Variants in FMN2 observed in about 807,000 individuals in gnomAD.
FMN2 encodes the protein formin-2.
A neutral mutation model predicts 142.3 loss-of-function variants in FMN2; 51 were observed. The observed-to-expected ratio is 0.36, with a 90% confidence interval of 0.29 to 0.45. The LOEUF is 0.45. FMN2 is among the 20% of genes least tolerant of loss of function. FMN2 has a pLI of 1.00. For synonymous variants in FMN2, 882 were observed against 869.8 expected (o/e 1.01, Z -0.25); for missense variants, 1,936 against 2,122.8 (o/e 0.91, Z 1.73).
Position 240,092,049 on chromosome 1 carries a change from C to G in FMN2, c.-61C>G. ...GACTCCCTAGGCCCGGACCTGGGGC[C>G]GAGGAGGGCCGGGATGGCCTGAGTG... On this transcript the variant is annotated 5_prime_UTR_variant, in exon 1 of 18. Coordinates refer to ENST00000319653, the MANE Select transcript of FMN2 (RefSeq NM_020066.5). The G allele has an allele frequency of 6.7e-7, 1 of 1,496,648 alleles. No homozygotes were observed. The highest frequency in any genetic ancestry group is 8.9e-7 in the Non-Finnish European group (1 of 1,127,272). The allele number at this position is 1,496,648 out of a possible 1,614,324, so 92.7% of individuals were successfully genotyped here.
intron 1 of FMN2, among the ~76,000 whole-genome samples, chr1:240,103,094 G>A (rs1053253499): frequency 6.6e-6 from 1 of 152,148 alleles, no homozygotes; most frequent in African/African-American, 2.4e-5. Flanking sequence ...TCGAACTCCT[G>A]ACCTCAGGTG....
intron 1 of FMN2, among the ~76,000 whole-genome samples, chr1:240,101,635 A>G (rs988404124): frequency 2.0e-5 from 3 of 151,834 alleles, no homozygotes; most frequent in Non-Finnish European, 2.9e-5. Context: ...CCTGGTCCCA[A>G]GCAATCCTCC....
At chr1:240,420,446 T>G (rs56366153) in intron 15 of FMN2, among the ~76,000 whole-genome samples, 46 of 152,300 alleles carry the variant, frequency 3.0e-4, no homozygotes, top group African/African-American at 1.1e-3. Flanking sequence ...CTTCCATATA[T>G]GATCTCTTAC....
At chr1:240,187,914 T>C (rs1462358159) in intron 3 of FMN2, among the ~76,000 whole-genome samples, 3 of 152,180 alleles carry the variant, frequency 2.0e-5, no homozygotes, top group Non-Finnish European at 4.4e-5. Context: ...AGAAGGACTT[T>C]CTGGCACAAT....
chr1:240,417,818 A>C (rs910814021), intron 15 of FMN2, among the ~76,000 whole-genome samples: 2 of 152,192 alleles, frequency 1.3e-5, no homozygotes, highest in African/African-American at 4.8e-5. Context: ...TCACATCTAC[A>C]TCATTACTAA....
intron 2 of FMN2, among the ~76,000 whole-genome samples, chr1:240,173,214 G>A (rs1241590149): frequency 6.6e-6 from 1 of 152,126 alleles, no homozygotes; most frequent in Non-Finnish European, 1.5e-5. Context: ...GGGATTACAG[G>A]TGTGAGCCAC....
chr1:240,314,258 G>T (rs1036501460), intron 8 of FMN2, among the ~76,000 whole-genome samples: 1 of 152,120 alleles, frequency 6.6e-6, no homozygotes, highest in African/African-American at 2.4e-5. Context: ...AGATCATAAA[G>T]ACTGTGGTGT....
At position 240,178,054 on chromosome 1, in the gene FMN2, A is replaced by G. The variant is rs762749579; in HGVS notation, c.1916A>G (p.Glu639Gly). 2 of 1,601,208 alleles carry G rather than the reference A, an allele frequency of 1.2e-6. No individual in the cohort carries two copies. Among genetic ancestry groups the G allele is most frequent in the East Asian group, 2.2e-5 (1 of 44,678 alleles). Reference protein sequence around the residue: ...SKPPDEEHRLEDAETESQSAV... With the variant: ...SKPPDEEHRLGDAETESQSAV... ...CCTCCCGATGAGGAACACAGGCTCG[A>G]GGATGCTGAAACAGGTAACCCTTTC... The change falls in exon 3 of 18, where the codon GAG becomes GGG. Residue 639 changes from glutamate to glycine, a missense_variant. Glu to Gly is a moderately conservative substitution (Grantham distance 98). Coordinates refer to ENST00000319653, the MANE Select transcript of FMN2 (RefSeq NM_020066.5).
chr1:240,190,201 T>G (rs1665647382), intron 4 of FMN2, among the ~76,000 whole-genome samples: 1 of 152,222 alleles, frequency 6.6e-6, no homozygotes, highest in South Asian at 2.1e-4. Flanking sequence ...TTTTACAACT[T>G]GAAGACTCAA....
At chr1:240,434,987 A>G (rs928517303) in intron 15 of FMN2, among the ~76,000 whole-genome samples, 14 of 151,992 alleles carry the variant, frequency 9.2e-5, no homozygotes, top group African/African-American at 3.1e-4. Flanking sequence ...TTCTTTCACC[A>G]TGGCCACATC....
chr1:240,373,342 T>G lies in FMN2; in HGVS notation c.4858+17434T>G, dbSNP rs148718294. ...AGCTGTGGCAGTTTCTGAAAATAAG[T>G]CAAAAATGAAGTGTGCTGAATCAAT... On this transcript the variant is annotated intron_variant, in intron 14 of 17. Coordinates refer to ENST00000319653, the MANE Select transcript of FMN2 (RefSeq NM_020066.5). Among the ~76,000 whole-genome samples the G allele has an allele frequency of 3.2e-3, 487 of 152,208 alleles. 6 individuals are homozygous for G. Among genetic ancestry groups the G allele is most frequent in the African/African-American group, 0.011 (469 of 41,530 alleles).
chr1:240,180,145 C>CT (rs1232593351), intron 3 of FMN2: 1 of 1,272,498 alleles, frequency 7.9e-7, no homozygotes, highest in South Asian at 1.3e-5. Flanking sequence ...AACTTGTCTC[C>CT]TTTTTAAAAA....
chr1:240,314,025 A>G (rs1465742018), intron 8 of FMN2, among the ~76,000 whole-genome samples: 1 of 151,846 alleles, frequency 6.6e-6, no homozygotes, highest in Admixed American at 6.6e-5. Flanking sequence ...TAACGTGTAC[A>G]TTTTTTTTCA....
chr1:240,373,030 CA>C (rs1271690272), intron 14 of FMN2, among the ~76,000 whole-genome samples: 1 of 152,012 alleles, frequency 6.6e-6, no homozygotes, highest in Non-Finnish European at 1.5e-5. Context: ...ACTAAAAACA[CA>C]AAAAGTAGCG....
chr1:240,237,543 G>A (rs910051401), intron 6 of FMN2, among the ~76,000 whole-genome samples: 3 of 152,114 alleles, frequency 2.0e-5, no homozygotes, highest in African/African-American at 7.2e-5. Context: ...TACCGCAGCT[G>A]GTCTTTTTAT....
At chr1:240,254,054 T>A (rs1668367757) in intron 6 of FMN2, among the ~76,000 whole-genome samples, 1 of 152,030 alleles carries the variant, frequency 6.6e-6, no homozygotes, top group African/African-American at 2.4e-5. Flanking sequence ...GGCCCTGATA[T>A]TAGCAGGTTC....
chr1:240,225,181 C>T (rs1251243261), intron 6 of FMN2, among the ~76,000 whole-genome samples: 1 of 152,166 alleles, frequency 6.6e-6, no homozygotes, highest in Non-Finnish European at 1.5e-5. Context: ...TCATCTCTGG[C>T]AGTCTGAAAG....
chr1:240,465,523 A>C (rs1180124183), intron 16 of FMN2, among the ~76,000 whole-genome samples: 2 of 151,934 alleles, frequency 1.3e-5, no homozygotes, highest in Admixed American at 6.6e-5. Flanking sequence ...CTTTTTGTTT[A>C]CTGTTAGCAG....
rs1380435886 is a variant in FMN2, at chr1:240,361,190, A to AATTTAAATAAATATAT, written c.4858+5282_4858+5283insATTTAAATAAATATAT. The stretch of plus-strand genomic sequence containing the variant: ...ATATATATATATATATATATAAAAG[A>AATTTAAATAAATATAT]GTTTAAAGAAGGAAAAAAACACGAC... On this transcript the variant is annotated intron_variant, in intron 14 of 17. Coordinates refer to ENST00000319653, the MANE Select transcript of FMN2 (RefSeq NM_020066.5). 1.1e-4 allele frequency among the ~76,000 whole-genome samples: 13 copies of AATTTAAATAAATATAT among 120,720 alleles called. No homozygotes were observed. The East Asian group carries it at 2.8e-3, about 26-fold the overall frequency. 79.2% of individuals were successfully genotyped at this position (120,720 alleles called of 152,430 possible).
Sources: gnomAD v4.1 joint callset for allele counts (sites outside exome capture counted in the v4.1 genomes callset) on GRCh38, gnomAD v4.1.1 for gene constraint, MANE v1.5 for transcripts, NCBI Gene and HGNC (gene_info 2026-07-23, HGNC 2026-07-21) for gene names.